The following NANOS1 variants were observed in gnomAD, a reference collection of about 807,000 sequenced individuals.
The protein encoded by NANOS1 is nanos C2HC-type zinc finger 1.
Under a neutral mutation model 1.1 loss-of-function variants are expected in NANOS1, and 1 was observed. The ratio of observed to expected loss-of-function variants is 0.88; its 90% CI spans 0.31 to 4.20. The LOEUF is 4.20. Among genes scored for constraint, NANOS1 ranks in the 30% most tolerant of loss-of-function variants. The probability of loss-of-function intolerance (pLI) is 0.17; values close to 1 mark genes in which losing one functional copy is unlikely to be tolerated. For missense variants in NANOS1, 537 were observed against 457.9 expected, an observed-to-expected ratio of 1.17 and a Z score of -1.58; for synonymous variants, 252 against 230.6, an observed-to-expected ratio of 1.09 and a Z score of -0.84.
Position 119,030,546 on chromosome 10 carries a change from T to G in NANOS1, c.745T>G (p.Cys249Gly). The change falls in exon 1 of 1, where the codon TGT becomes GGT. Residue 249 changes from cysteine to glycine, a missense_variant. Cys to Gly is a radical substitution (Grantham distance 159, BLOSUM62 -3). Transcript: ENST00000425699. The surrounding 1 kb of genome is among the most constrained non-coding windows in gnomAD (Gnocchi z 5.3). ...GTGTCCCGTGCTGCGCCGCTACACG[T>G]GTCCCCTGTGCGGCGCCAGCGGCGA... Reference protein sequence around the residue: ...VLCPVLRRYTCPLCGASGDNA... With the variant: ...VLCPVLRRYTGPLCGASGDNA... 6.5e-7 allele frequency: 1 copy of G among 1,529,524 alleles called. No homozygotes were observed. Among genetic ancestry groups the G allele is most frequent in the Non-Finnish European group, 8.7e-7 (1 of 1,143,196 alleles). The allele number at this position is 1,529,524 out of a possible 1,614,324, so 94.7% of individuals were successfully genotyped here. A position where few individuals can be genotyped will look rare whatever the true frequency, so the allele number is the denominator to read the frequency against.
In NANOS1 at chr10:119,032,876, C is replaced by G. The variant is rs1242170247; in HGVS notation, c.*2196C>G. ...GGAATCCAGAAGACCCTCTCCACTA[C>G]TCAGGCAGCCACTATTCATCTATTT... On this transcript the variant is annotated 3_prime_UTR_variant, in exon 1 of 1. Coordinates refer to ENST00000425699, the MANE Select transcript of NANOS1 (RefSeq NM_199461.4). 6.0e-6 allele frequency: 1 copy of G among 167,158 alleles called. No homozygotes were observed. Among genetic ancestry groups the G allele is most frequent in the African/African-American group, 2.4e-5 (1 of 41,464 alleles). The allele number at this position is 167,158 out of a possible 1,614,324, so 10.4% of individuals were successfully genotyped here. A position where few individuals can be genotyped will look rare whatever the true frequency, so the allele number is the denominator to read the frequency against.
chr10:119,030,730 A>G lies in NANOS1; in HGVS notation c.*50A>G, dbSNP rs1848034961. On this transcript the variant is annotated 3_prime_UTR_variant, in exon 1 of 1. Transcript: ENST00000425699. This position sits in a 1 kb window ranked among gnomAD's most constrained non-coding sequence, Gnocchi z 5.3. ...GGTCGCCGCCGCCCCTCGCACCGCT[A>G]GGTCTGCGCACCATCTCGCCCCCGC... 2.5e-5 allele frequency: 32 copies of G among 1,262,482 alleles called. No homozygotes were observed. Among genetic ancestry groups the G allele is most frequent in the Non-Finnish European group, 3.2e-5 (32 of 1,002,302 alleles). The allele number at this position is 1,262,482 out of a possible 1,614,324, so 78.2% of individuals were successfully genotyped here.
Position 119,030,053 on chromosome 10 carries a change from C to G in NANOS1, c.252C>G (p.Cys84Trp), listed in dbSNP as rs1029803066. The stretch of plus-strand genomic sequence containing the variant: ...CGCCCTCCTCCTCCTCGTCGTCCTG[C>G]TGCTCCCCCCACACGGGGGCCGGGC... ...GSPPSSSSSS[C>W]CSPHTGAGPG... The change falls in exon 1 of 1, where the codon TGC becomes TGG. Residue 84 changes from cysteine (C) to tryptophan (W), a missense_variant. Coordinates refer to ENST00000425699, the MANE Select transcript of NANOS1 (RefSeq NM_199461.4). This position sits in a 1 kb window ranked among gnomAD's most constrained non-coding sequence, Gnocchi z 5.3. 1.5e-6 allele frequency: 2 copies of G among 1,344,728 alleles called. No homozygotes were observed. The highest frequency in any genetic ancestry group is 1.9e-6 in the Non-Finnish European group (2 of 1,049,492). The allele number at this position is 1,344,728 out of a possible 1,614,324, so 83.3% of individuals were successfully genotyped here.
chr10:119,030,266 G>A lies in NANOS1; in HGVS notation c.465G>A (p.Ala155=). 1 of 1,233,494 alleles carries A rather than the reference G, an allele frequency of 8.1e-7. No individual in the cohort carries two copies. Among genetic ancestry groups the A allele is most frequent in the Non-Finnish European group, 1.0e-6 (1 of 989,998 alleles). 76.4% of individuals were successfully genotyped at this position (1,233,494 alleles called of 1,614,324 possible). The change falls in exon 1 of 1, where the codon GCG becomes GCA. Residue 155 remains alanine (A), a synonymous_variant. Coordinates refer to ENST00000425699, the MANE Select transcript of NANOS1 (RefSeq NM_199461.4). The surrounding 1 kb of genome is among the most constrained non-coding windows in gnomAD (Gnocchi z 5.3). The part of the protein sequence containing the change: ...EERFAELSPF[A]GRAAAVLLGC... ...GCTTCGCCGAGCTGAGCCCGTTCGC[G>A]GGTCGTGCCGCCGCCGTGCTGCTGG...
Position 119,030,722 on chromosome 10 carries a change from G to T in NANOS1, c.*42G>T. On this transcript the variant is annotated 3_prime_UTR_variant, in exon 1 of 1. Coordinates refer to ENST00000425699, the MANE Select transcript of NANOS1 (RefSeq NM_199461.4). This position sits in a 1 kb window ranked among gnomAD's most constrained non-coding sequence, Gnocchi z 5.3. Reference sequence around the variant, plus strand: ...CCGCCCAGGGTCGCCGCCGCCCCTCGCACCGCTAGGTCTGCGCACCATCTC... The same window carrying T: ...CCGCCCAGGGTCGCCGCCGCCCCTCTCACCGCTAGGTCTGCGCACCATCTC... 1 of 1,273,090 alleles carries T rather than the reference G, an allele frequency of 7.9e-7. No individual in the cohort carries two copies. The highest frequency in any genetic ancestry group is 9.9e-7 in the Non-Finnish European group (1 of 1,009,892). 78.9% of individuals were successfully genotyped at this position (1,273,090 alleles called of 1,614,324 possible). A position where few individuals can be genotyped will look rare whatever the true frequency, so the allele number is the denominator to read the frequency against.
At position 119,030,846 on chromosome 10, in the gene NANOS1, G is replaced by C. The variant is rs1373593896; in HGVS notation, c.*166G>C. ...GCAGCCGACCGTGTGGAGTACTTCC[G>C]TGCTGAACGATTGGGACTAGACGCT... is the stretch of plus-strand genomic sequence containing the variant. On this transcript the variant is annotated 3_prime_UTR_variant, in exon 1 of 1. Coordinates refer to ENST00000425699, the MANE Select transcript of NANOS1 (RefSeq NM_199461.4). The surrounding 1 kb of genome is among the most constrained non-coding windows in gnomAD (Gnocchi z 5.3). 1.0e-6 allele frequency: 1 copy of C among 983,188 alleles called. No individual in the cohort carries two copies. Among genetic ancestry groups the C allele is most frequent in the African/African-American group, 1.7e-5 (1 of 58,740 alleles). 60.9% of individuals were successfully genotyped at this position (983,188 alleles called of 1,614,324 possible).
chr10:119,030,614 GCCGCCGCCCGCCCGC>G lies in NANOS1; in HGVS notation c.823_837del (p.Ala275_Pro279del), dbSNP rs781385061. 494 of 1,473,780 alleles carry G rather than the reference GCCGCCGCCCGCCCGC, an allele frequency of 3.4e-4. 1 individual carries two copies. Among genetic ancestry groups the G allele is most frequent in the South Asian group, 6.1e-4 (44 of 72,644 alleles). The allele number at this position is 1,473,780 out of a possible 1,614,324, so 91.3% of individuals were successfully genotyped here. ...AGTACTGCCCGCTCTCCAAAGTGCC[GCCGCCGCCCGCCCGC>G]CCGCCGCCCCGCAGCGCCAGGGACG... is the stretch of plus-strand genomic sequence containing the variant. On this transcript the variant is annotated inframe_deletion, in exon 1 of 1. Transcript: ENST00000425699. This position sits in a 1 kb window ranked among gnomAD's most constrained non-coding sequence, Gnocchi z 5.3.
chr10:119,029,752 T>G lies in NANOS1; in HGVS notation c.-50T>G. On this transcript the variant is annotated 5_prime_UTR_variant, in exon 1 of 1. Transcript: ENST00000425699. ...GGGCAGGCTCGGCGTGTCCCTTCCG[T>G]CCGGCCCGCGCCGGCGGCGGGGAGG... 3 of 959,480 alleles carry G rather than the reference T, an allele frequency of 3.1e-6. No homozygotes were observed. The highest frequency in any genetic ancestry group is 3.7e-6 in the Non-Finnish European group (3 of 809,816). The allele number at this position is 959,480 out of a possible 1,614,324, so 59.4% of individuals were successfully genotyped here.
rs771056151 is a variant in NANOS1 at position 119,030,204 on chromosome 10, T to G, written c.403T>G (p.Cys135Gly). The change falls in exon 1 of 1, where the codon TGC (cysteine) becomes GGC (glycine). Residue 135 changes from cysteine to glycine, a missense_variant. By Grantham distance (159) the Cys-to-Gly change is radical. Transcript: ENST00000425699. This position sits in a 1 kb window ranked among gnomAD's most constrained non-coding sequence, Gnocchi z 5.3. ...SALELRALEL[C>G]AGPAEAGLLE... ...GCTGGAATTGCGCGCGCTGGAGCTG[T>G]GCGCGGGCCCCGCCGAGGCCGGGCT... 6 of 1,300,284 alleles carry G rather than the reference T, an allele frequency of 4.6e-6. No individual in the cohort carries two copies. The highest frequency in any genetic ancestry group is 5.8e-6 in the Non-Finnish European group (6 of 1,029,344). The allele number at this position is 1,300,284 out of a possible 1,614,324, so 80.5% of individuals were successfully genotyped here.
At position 119,031,945 on chromosome 10, in the gene NANOS1, G is replaced by A. The variant is rs1045037922; in HGVS notation, c.*1265G>A. 6.0e-6 allele frequency: 1 copy of A among 167,044 alleles called. No homozygotes were observed. The highest frequency in any genetic ancestry group is 2.4e-5 in the African/African-American group (1 of 41,438). The allele number at this position is 167,044 out of a possible 1,614,324, so 10.3% of individuals were successfully genotyped here. A position where few individuals can be genotyped will look rare whatever the true frequency, so the allele number is the denominator to read the frequency against. On this transcript the variant is annotated 3_prime_UTR_variant, in exon 1 of 1. Transcript: ENST00000425699. ...GACTAAACCTGATCCTTGGGCAAAA[G>A]TTCCTAACCCCTACTTTACCCTCCC...
chr10:119,030,475 C>T lies in NANOS1; in HGVS notation c.674C>T (p.Ala225Val). ...VFCRNNKEAM[A>V]LYTTHILKGP... The stretch of plus-strand genomic sequence containing the variant: ...TGCCGGAACAACAAGGAGGCGATGG[C>T]GCTCTACACCACCCATATCCTCAAG... The change falls in exon 1 of 1, where the codon GCG (alanine) becomes GTG (valine). Residue 225 changes from alanine (A) to valine (V), a missense_variant. Physicochemically the swap from Ala to Val is moderately conservative, Grantham distance 64. Coordinates refer to ENST00000425699, the MANE Select transcript of NANOS1 (RefSeq NM_199461.4). This position sits in a 1 kb window ranked among gnomAD's most constrained non-coding sequence, Gnocchi z 5.3. The T allele has an allele frequency of 6.7e-7, 1 of 1,492,014 alleles. No individual in the cohort carries two copies. The allele number at this position is 1,492,014 out of a possible 1,614,324, so 92.4% of individuals were successfully genotyped here. A position where few individuals can be genotyped will look rare whatever the true frequency, so the allele number is the denominator to read the frequency against.
Position 119,030,977 on chromosome 10 carries a change from T to TA in NANOS1, c.*298dup, listed in dbSNP as rs1215866890. The stretch of plus-strand genomic sequence containing the variant: ...TGGCAACTTAGAGGCGCTGTTTATT[T>TA]ACTGTATACGTCGACCTATTTTAGA... On this transcript the variant is annotated 3_prime_UTR_variant, in exon 1 of 1. Transcript: ENST00000425699. The surrounding 1 kb of genome is among the most constrained non-coding windows in gnomAD (Gnocchi z 5.3). 3.1e-6 allele frequency: 1 copy of TA among 321,076 alleles called. No individual in the cohort carries two copies. The highest frequency in any genetic ancestry group is 5.5e-5 in the East Asian group (1 of 18,312). The allele number at this position is 321,076 out of a possible 1,614,324, so 19.9% of individuals were successfully genotyped here.
In NANOS1 at chr10:119,033,091, G is replaced by A. The variant is rs1848075776; in HGVS notation, c.*2411G>A. 1 of 166,590 alleles carries A rather than the reference G, an allele frequency of 6.0e-6. No individual in the cohort carries two copies. The highest frequency in any genetic ancestry group is 1.5e-5 in the Non-Finnish European group (1 of 68,214). 10.3% of individuals were successfully genotyped at this position (166,590 alleles called of 1,614,324 possible). On this transcript the variant is annotated 3_prime_UTR_variant, in exon 1 of 1. Transcript: ENST00000425699. The stretch of plus-strand genomic sequence containing the variant: ...GGCGCCTGTAATCCCAGCTCCTCAG[G>A]AGGCTGAGGCAGGAGAATTGCTTGA...
chr10:119,033,397 C>G lies in NANOS1; in HGVS notation c.*2717C>G, dbSNP rs74157619. The G allele has an allele frequency of 4.9e-4, 82 of 167,140 alleles. No homozygotes were observed. Among genetic ancestry groups the G allele is most frequent in the African/African-American group, 1.9e-3 (79 of 41,558 alleles). The allele number at this position is 167,140 out of a possible 1,614,324, so 10.4% of individuals were successfully genotyped here. On this transcript the variant is annotated 3_prime_UTR_variant, in exon 1 of 1. Transcript: ENST00000425699. The stretch of plus-strand genomic sequence containing the variant: ...GAACTTTAAACATTTTGCAAAATTA[C>G]ATTTAGAGAAACCCAATTTTTCAAA...
chr10:119,030,417 C>G lies in NANOS1; in HGVS notation c.616C>G (p.Leu206Val). ...GGCCTCCGGGGCGGCGGCCGCCCGG[C>G]TGCTGAAGCCCGAGCTGCAGGTGTG... ...HAASGAAAAR[L>V]LKPELQVCVF... is the part of the protein sequence containing the mutation. Residue 206 changes from leucine to valine, a missense_variant, in exon 1 of 1, where the codon CTG (leucine) becomes GTG (valine). Physicochemically the swap from Leu to Val is conservative, Grantham distance 32 (BLOSUM62 1). Transcript: ENST00000425699. This position sits in a 1 kb window ranked among gnomAD's most constrained non-coding sequence, Gnocchi z 5.3. The G allele has an allele frequency of 7.2e-7, 1 of 1,391,050 alleles. No individual in the cohort carries two copies. Among genetic ancestry groups the G allele is most frequent in the Non-Finnish European group, 9.4e-7 (1 of 1,066,778 alleles). The allele number at this position is 1,391,050 out of a possible 1,614,324, so 86.2% of individuals were successfully genotyped here.
In NANOS1 at chr10:119,030,241, G is replaced by T; in HGVS notation, c.440G>T (p.Arg147Leu). Reference sequence around the variant, plus strand: ...GCCGAGGCCGGGCTGCTGGAGGAGCGCTTCGCCGAGCTGAGCCCGTTCGCG... The same window carrying T: ...GCCGAGGCCGGGCTGCTGGAGGAGCTCTTCGCCGAGCTGAGCCCGTTCGCG... ...GPAEAGLLEE[R>L]FAELSPFAGR... The change falls in exon 1 of 1, where the codon CGC becomes CTC. Residue 147 changes from arginine to leucine, a missense_variant. Coordinates refer to ENST00000425699, the MANE Select transcript of NANOS1 (RefSeq NM_199461.4). The surrounding 1 kb of genome is among the most constrained non-coding windows in gnomAD (Gnocchi z 5.3). 1 of 1,268,180 alleles carries T rather than the reference G, an allele frequency of 7.9e-7. No homozygotes were observed. Among genetic ancestry groups the T allele is most frequent in the Non-Finnish European group, 9.9e-7 (1 of 1,010,410 alleles). 78.6% of individuals were successfully genotyped at this position (1,268,180 alleles called of 1,614,324 possible). A position where few individuals can be genotyped will look rare whatever the true frequency, so the allele number is the denominator to read the frequency against.
rs1260720603 is a variant in NANOS1 at position 119,030,109 on chromosome 10, C to G, written c.308C>G (p.Pro103Arg). ...GCGCTGGGGCCGGCGCTGGGGCCGC[C>G]CGACTACGACGAGGACGACGACGAC... is the stretch of plus-strand genomic sequence containing the variant. The part of the protein sequence containing the change: ...PGALGPALGP[P>R]DYDEDDDDDS... Residue 103 changes from proline (P) to arginine (R), a missense_variant, in exon 1 of 1, where the codon CCC (proline) becomes CGC (arginine). Coordinates refer to ENST00000425699, the MANE Select transcript of NANOS1 (RefSeq NM_199461.4). The surrounding 1 kb of genome is among the most constrained non-coding windows in gnomAD (Gnocchi z 5.3). 2 of 1,326,546 alleles carry G rather than the reference C, an allele frequency of 1.5e-6. No individual in the cohort carries two copies. The highest frequency in any genetic ancestry group is 3.1e-5 in the African/African-American group (2 of 64,904). 82.2% of individuals were successfully genotyped at this position (1,326,546 alleles called of 1,614,324 possible).
In NANOS1 at chr10:119,033,283, C is replaced by T. The variant is rs1211105844; in HGVS notation, c.*2603C>T. 1 of 167,066 alleles carries T rather than the reference C, an allele frequency of 6.0e-6. No individual in the cohort carries two copies. The highest frequency in any genetic ancestry group is 2.4e-5 in the African/African-American group (1 of 41,442). The allele number at this position is 167,066 out of a possible 1,614,324, so 10.3% of individuals were successfully genotyped here. A position where few individuals can be genotyped will look rare whatever the true frequency, so the allele number is the denominator to read the frequency against. Reference sequence around the variant, plus strand: ...ACAATGAATACTGGGAGTTAAAACGCAGAGTATTACTATAGTTAATTTTCT... The same window carrying T: ...ACAATGAATACTGGGAGTTAAAACGTAGAGTATTACTATAGTTAATTTTCT... On this transcript the variant is annotated 3_prime_UTR_variant, in exon 1 of 1. Transcript: ENST00000425699.
Position 119,030,634 on chromosome 10 carries a change from C to CGCCCCGCA in NANOS1, c.836_843dup (p.Ala282ProfsTer72). The stretch of plus-strand genomic sequence containing the variant: ...GTGCCGCCGCCGCCCGCCCGCCCGC[C>CGCCCCGCA]GCCCCGCAGCGCCAGGGACGGCCCG... On this transcript the variant is annotated frameshift_variant, in exon 1 of 1. Transcript: ENST00000425699. LOFTEE classifies it high-confidence loss of function. This position sits in a 1 kb window ranked among gnomAD's most constrained non-coding sequence, Gnocchi z 5.3. The CGCCCCGCA allele has an allele frequency of 7.0e-7, 1 of 1,438,562 alleles. No homozygotes were observed. 89.1% of individuals were successfully genotyped at this position (1,438,562 alleles called of 1,614,324 possible). A position where few individuals can be genotyped will look rare whatever the true frequency, so the allele number is the denominator to read the frequency against.
Sources: gnomAD v4.1 joint callset for allele counts on GRCh38, gnomAD v4.1.1 for gene constraint, Gnocchi (gnomAD v3.1) non-coding constraint, MANE v1.5 for transcripts, NCBI Gene and HGNC (gene_info 2026-07-23, HGNC 2026-07-21) for gene names.